PLXND1: variants seen among roughly 807,000 people sequenced by gnomAD.
PLXND1 encodes the protein plexin-D1.
Under a neutral mutation model 197.7 loss-of-function variants are expected in PLXND1, and 54 were observed. The observed-to-expected ratio is 0.27, with a 90% CI of 0.22 to 0.34. PLXND1 has a LOEUF of 0.34. Among genes scored for constraint, PLXND1 ranks in the 10% least tolerant of loss-of-function variants. The pLI is 1.00. For missense variants in PLXND1, 2,127 were observed against 2,699.2 expected (o/e 0.79, Z 4.70); for synonymous variants, 1,180 against 1,161.2 (o/e 1.02, Z -0.33).
chr3:129,575,914 C>T, intron 9 of PLXND1, 59 bp from the exon 10 acceptor site: 2 of 975,952 alleles, frequency 2.0e-6, no homozygotes, highest in African/African-American at 1.6e-5. Flanking sequence ...CATGCATTGC[C>T]CTCTAACTCC....
chr3:129,574,399 G>A lies in PLXND1; in HGVS notation c.2622C>T (p.Gly874=). 6.2e-7 allele frequency: 1 copy of A among 1,612,680 alleles called. No individual in the cohort carries two copies. The highest frequency in any genetic ancestry group is 8.5e-7 in the Non-Finnish European group (1 of 1,179,798). Residue 874 remains glycine, a synonymous_variant, in exon 12 of 36, where the codon GGC becomes GGT. Transcript: ENST00000324093. ...GCTGCAGAGGCCCCCGCAGGCGGCA[G>A]CCATCACTCCACATGCACAGGTGAC... ...DLGHLCMWSD[G]CRLRGPLQPM...
In PLXND1 at chr3:129,572,924, C is replaced by G. The variant is rs1578325078; in HGVS notation, c.2855G>C (p.Gly952Ala). Residue 952 changes from glycine to alanine, a missense_variant, in exon 14 of 36, where the codon GGG becomes GCG. By Grantham distance (60) the Gly-to-Ala change is moderately conservative (BLOSUM62 0). Coordinates refer to ENST00000324093, the MANE Select transcript of PLXND1 (RefSeq NM_015103.3). ...TVSEEIVCVT[G>A]PAPGPLSGVV... ...ACCTGAGAGTGGTCCTGGGGCTGGC[C>G]CTGTGACACACACGATCCTGAGGGG... 1 of 1,613,266 alleles carries G rather than the reference C, an allele frequency of 6.2e-7. No homozygotes were observed. Among genetic ancestry groups the G allele is most frequent in the South Asian group, 1.1e-5 (1 of 91,046 alleles).
At chr3:129,559,308 G>T in intron 32 of PLXND1, 1 of 283,208 alleles carries the variant, frequency 3.5e-6, no homozygotes, top group Admixed American at 5.2e-5. Flanking sequence ...GCCTCAGTGT[G>T]CTTATCTGTG....
chr3:129,559,589 G>C, intron 32 of PLXND1, 31 bp downstream of exon 32: 3 of 1,552,104 alleles, frequency 1.9e-6, no homozygotes, highest in Non-Finnish European at 2.6e-6. Flanking sequence ...CAGTGGCACA[G>C]TGAAGTCCAC....
At position 129,583,590 on chromosome 3, in the gene PLXND1, A is replaced by G; in HGVS notation, c.2218T>C (p.Cys740Arg). ...ACCGTGGGGTTTGGTGAGGCCTCGC[A>G]CCGAGACTGGTTGGAAACACAGGAG... ...QHSCVSNQSR[C>R]EASPNPTSPQ... is the part of the protein sequence containing the mutation. The change falls in exon 8 of 36, where the codon TGC becomes CGC. Residue 740 changes from cysteine to arginine, a missense_variant. By Grantham distance (180) the Cys-to-Arg change is radical. Transcript: ENST00000324093. 1 of 1,613,878 alleles carries G rather than the reference A, an allele frequency of 6.2e-7. No individual in the cohort carries two copies. The highest frequency in any genetic ancestry group is 1.7e-5 in the Admixed American group (1 of 60,010).
intron 19 of PLXND1, 47 bp from the exon 20 acceptor site, chr3:129,570,004 C>T (rs780963491): frequency 4.6e-6 from 5 of 1,075,936 alleles, no homozygotes; most frequent in Non-Finnish European, 7.2e-6. Context: ...TGGACTTATA[C>T]TCTAGTTCTG....
chr3:129,560,448 C>A lies in PLXND1; in HGVS notation c.5029-14G>T. ...CGTAGGCAGCACCTGGGAGGCCGGG[C>A]AGTGGTCAGTGTCCGCACCAGGCCC... On this transcript the variant is annotated splice_polypyrimidine_tract_variant and intron_variant, in intron 30 of 35. Transcript: ENST00000324093. 6.4e-7 allele frequency: 1 copy of A among 1,571,834 alleles called. No individual in the cohort carries two copies. The highest frequency in any genetic ancestry group is 1.1e-5 in the South Asian group (1 of 90,036).
rs1032487356 is a variant in PLXND1, at chr3:129,586,448, G to A, written c.1620+140C>T. 1.9e-5 allele frequency: 22 copies of A among 1,144,584 alleles called. No individual in the cohort carries two copies. The African/African-American group carries it at 2.0e-4, about 10-fold the overall frequency. 70.9% of individuals were successfully genotyped at this position (1,144,584 alleles called of 1,614,324 possible). ...AGAGGCAAGGTCGGTGTTGGGAGGC[G>A]CAGGACAAGGTGGAGTTAGCAGATA... On this transcript the variant is annotated intron_variant, in intron 3 of 35. Transcript: ENST00000324093.
intron 1 of PLXND1, among the ~76,000 whole-genome samples, chr3:129,598,746 C>G (rs928428469): frequency 6.6e-6 from 1 of 152,096 alleles, no homozygotes; most frequent in Non-Finnish European, 1.5e-5. Flanking sequence ...CCCCTTCGGT[C>G]AAAGATTTTG....
rs1033380873 is a variant in PLXND1, at chr3:129,566,655, C to T, written c.4087-24G>A. On this transcript the variant is annotated intron_variant, in intron 22 of 35. Transcript: ENST00000324093. The stretch of plus-strand genomic sequence containing the variant: ...CACTGCAGAGGCAGACCCCCAGCAT[C>T]TCAGCGGGGCTGGACACCCCCTGCT... 8 of 1,431,060 alleles carry T rather than the reference C, an allele frequency of 5.6e-6. No homozygotes were observed. In the African/African-American group the frequency reaches 8.4e-5, roughly 15 times the overall value. The allele number at this position is 1,431,060 out of a possible 1,614,324, so 88.6% of individuals were successfully genotyped here.
intron 17 of PLXND1, 60 bp downstream of exon 17, chr3:129,571,449 T>G: frequency 6.4e-7 from 1 of 1,552,376 alleles, no homozygotes; most frequent in African/African-American, 1.4e-5. Context: ...CCTGGTCAGT[T>G]AGGGCCCTGG....
chr3:129,604,241 T>C (rs559044848), intron 1 of PLXND1, among the ~76,000 whole-genome samples: 1 of 152,140 alleles, frequency 6.6e-6, no homozygotes, highest in South Asian at 2.1e-4. Flanking sequence ...AACACCCCTG[T>C]TCACATCCCT....
chr3:129,576,037 T>C (rs1248707161), intron 9 of PLXND1, among the ~76,000 whole-genome samples, 182 bp from the exon 10 acceptor site: 1 of 152,220 alleles, frequency 6.6e-6, no homozygotes, highest in African/African-American at 2.4e-5. Context: ...CGTCCAATGT[T>C]TGAGGGAGGC....
rs756173220 is a variant in PLXND1 at position 129,605,829 on chromosome 3, C to A, written c.811G>T (p.Ala271Ser). The A allele has an allele frequency of 6.2e-7, 1 of 1,611,916 alleles. No individual in the cohort carries two copies. The highest frequency in any genetic ancestry group is 8.5e-7 in the Non-Finnish European group (1 of 1,179,308). The change falls in exon 1 of 36, where the codon GCC (alanine) becomes TCC (serine). Residue 271 changes from alanine (A) to serine (S), a missense_variant. Coordinates refer to ENST00000324093, the MANE Select transcript of PLXND1 (RefSeq NM_015103.3). ...DDNILKIKQGAKEQHKLGFVS... is the reference protein window; with the variant it reads ...DDNILKIKQGSKEQHKLGFVS... ...AAGCCCAGCTTGTGCTGCTCCTTGG[C>A]GCCCTGCTTGATCTTGAGGATGTTG...
chr3:129,587,169 C>G (rs1312067316), intron 2 of PLXND1, among the ~76,000 whole-genome samples: 2 of 152,208 alleles, frequency 1.3e-5, no homozygotes, highest in Non-Finnish European at 2.9e-5. Flanking sequence ...ACAGGCCAGG[C>G]TGATGGGGTC....
chr3:129,597,492 C>CCCCCA (rs146899806), intron 1 of PLXND1, among the ~76,000 whole-genome samples: 15 of 152,082 alleles, frequency 9.9e-5, no homozygotes, highest in African/African-American at 3.6e-4. Context: ...GGCCCCCCCC[C>CCCCCA]ATTATTTACC....
chr3:129,561,714 T>A lies in PLXND1; in HGVS notation c.4930-5A>T, dbSNP rs545200647. 3 of 1,327,232 alleles carry A rather than the reference T, an allele frequency of 2.3e-6. No homozygotes were observed. Among genetic ancestry groups the A allele is most frequent in the South Asian group, 2.4e-5 (2 of 84,260 alleles). The allele number at this position is 1,327,232 out of a possible 1,614,324, so 82.2% of individuals were successfully genotyped here. On this transcript the variant is annotated splice_polypyrimidine_tract_variant and splice_region_variant and intron_variant, in intron 28 of 35. Coordinates refer to ENST00000324093, the MANE Select transcript of PLXND1 (RefSeq NM_015103.3). The stretch of plus-strand genomic sequence containing the variant: ...CAGGGAGGCACCTTCAGGGATCTGA[T>A]GGGAGGGGAGAGGCCGAGGTCAGAG...
At position 129,589,351 on chromosome 3, in the gene PLXND1, C is replaced by T; in HGVS notation, c.1488G>A (p.Lys496=). 3 of 1,586,784 alleles carry T rather than the reference C, an allele frequency of 1.9e-6. No individual in the cohort carries two copies. The highest frequency in any genetic ancestry group is 2.6e-6 in the Non-Finnish European group (3 of 1,161,862). Residue 496 remains lysine (K), a splice_region_variant and synonymous_variant, in exon 2 of 36, where the codon AAG becomes AAA. Transcript: ENST00000324093. ...FLGTVNGRLL[K]INLNESMQVV... ...TCCCCACATCCCCAACCATACCTAC[C>T]TTGAGAAGCCTCCCGTTGACCGTGC...
intron 8 of PLXND1, among the ~76,000 whole-genome samples, chr3:129,581,619 C>T (rs1232654562): frequency 1.3e-5 from 2 of 152,294 alleles, no homozygotes; most frequent in Non-Finnish European, 1.5e-5. Context: ...ATTCCAGATC[C>T]CCACCAAACC....
Sources: allele counts gnomAD v4.1 joint callset (sites outside exome capture counted in the v4.1 genomes callset), GRCh38; gene constraint gnomAD v4.1.1; transcripts MANE v1.5; gene names NCBI Gene and HGNC (gene_info 2026-07-23, HGNC 2026-07-21).